The following NCK1 variants were observed in gnomAD, a reference collection of about 807,000 sequenced individuals.
The protein encoded by NCK1 is SH2/SH3 adapter protein NCK1.
Under a neutral mutation model 36.6 loss-of-function variants are expected in NCK1, and 19 were observed. That is an observed-to-expected ratio of 0.52 (90% CI 0.36 to 0.76). NCK1 has a LOEUF of 0.76. Ranked by LOEUF, NCK1 falls within the 30% of genes least tolerant of loss-of-function variation. The pLI, the probability that NCK1 is intolerant of heterozygous loss-of-function variation, is 0.00. For synonymous variants in NCK1, 165 were observed against 156.0 expected (o/e 1.06, Z -0.43); for missense variants, 358 against 445.6 (o/e 0.80, Z 1.77).
Position 136,946,303 on chromosome 3 carries a change from G to C in NCK1, c.939+8G>C. On this transcript the variant is annotated splice_region_variant and intron_variant, in intron 3 of 3. Coordinates refer to ENST00000481752, the MANE Select transcript of NCK1 (RefSeq NM_001291999.2). ...CGTGATAGTGAATCTTCGGTAAGTTGATTTTCGGAGGTAAATACAAATAGA... is the reference window on the plus strand; with the variant it reads ...CGTGATAGTGAATCTTCGGTAAGTTCATTTTCGGAGGTAAATACAAATAGA... 1 of 1,591,542 alleles carries C rather than the reference G, an allele frequency of 6.3e-7. No homozygotes were observed. Among genetic ancestry groups the C allele is most frequent in the Non-Finnish European group, 8.6e-7 (1 of 1,163,854 alleles).
chr3:136,884,517 C>G (rs531051314), intron 1 of NCK1, among the ~76,000 whole-genome samples: 1 of 152,196 alleles, frequency 6.6e-6, no homozygotes, highest in Non-Finnish European at 1.5e-5. Flanking sequence ...GCTTGCTCAC[C>G]GCAACCTCCG....
At chr3:136,889,426 C>T (rs1379405221) in intron 1 of NCK1, 1 of 152,680 alleles carries the variant, frequency 6.5e-6, no homozygotes, top group Non-Finnish European at 1.5e-5. Context: ...AAGCTGTAGA[C>T]CTTCGCGGCG....
At chr3:136,914,990 G>A (rs1017258263) in intron 1 of NCK1, among the ~76,000 whole-genome samples, 2 of 152,192 alleles carry the variant, frequency 1.3e-5, no homozygotes, top group Admixed American at 6.5e-5. Context: ...CATGTGATCT[G>A]TGTACATGCT....
chr3:136,902,647 A>G (rs1325213012), intron 1 of NCK1, among the ~76,000 whole-genome samples: 1 of 152,204 alleles, frequency 6.6e-6, no homozygotes, highest in Non-Finnish European at 1.5e-5. Flanking sequence ...ATGTGTTCAC[A>G]GTGGGGTGCT....
intron 1 of NCK1, among the ~76,000 whole-genome samples, chr3:136,863,116 T>C (rs1476164620): frequency 6.6e-6 from 1 of 152,138 alleles, no homozygotes; most frequent in Non-Finnish European, 1.5e-5. Context: ...ACGCTCTCGG[T>C]GTCAAACTGA....
At chr3:136,863,464 TTTA>T (rs1296034814) in intron 1 of NCK1, among the ~76,000 whole-genome samples, 1 of 152,236 alleles carries the variant, frequency 6.6e-6, no homozygotes, top group Non-Finnish European at 1.5e-5. Context: ...TTCTTTTCTT[TTTA>T]AAACACTTAA....
At chr3:136,879,011 T>C (rs1938855306) in intron 1 of NCK1, among the ~76,000 whole-genome samples, 1 of 152,180 alleles carries the variant, frequency 6.6e-6, no homozygotes, top group African/African-American at 2.4e-5. Context: ...ACAATAGCTT[T>C]TATGGCCCTC....
rs199846693 is a variant in NCK1, at chr3:136,913,128, GTTTA to G, written c.-18-14852_-18-14849del. ...TCTTTCTCTGGGAAGGTTTCTGTTG[GTTTA>G]TTTTTTTTTCTTTCATATAGGCCAT... On this transcript the variant is annotated intron_variant, in intron 1 of 3. Transcript: ENST00000481752. Among the ~76,000 whole-genome samples the G allele has an allele frequency of 1.5e-4, 22 of 151,304 alleles. No homozygotes were observed. The Middle Eastern group carries it at 0.01, about 70-fold the overall frequency.
At chr3:136,871,176 C>T (rs924849487) in intron 1 of NCK1, among the ~76,000 whole-genome samples, 1 of 151,136 alleles carries the variant, frequency 6.6e-6, no homozygotes, top group African/African-American at 2.4e-5. Context: ...TGGGAGGATG[C>T]CTTGAGGGTA....
chr3:136,897,978 T>C (rs553247002), intron 1 of NCK1, among the ~76,000 whole-genome samples: 20 of 152,364 alleles, frequency 1.3e-4, no homozygotes, highest in Non-Finnish European at 2.6e-4. Context: ...AACTACTTTC[T>C]GAAGACTGGC....
chr3:136,903,067 C>T (rs963139349), intron 1 of NCK1, among the ~76,000 whole-genome samples: 2 of 152,142 alleles, frequency 1.3e-5, no homozygotes, highest in South Asian at 2.1e-4. Flanking sequence ...TAACTATTAT[C>T]GTAGTGGAAT....
At chr3:136,909,010 C>T (rs1205229020) in intron 1 of NCK1, among the ~76,000 whole-genome samples, 2 of 152,090 alleles carry the variant, frequency 1.3e-5, no homozygotes, top group Non-Finnish European at 2.9e-5. Flanking sequence ...ATGACTCTTC[C>T]CCCACTCACC....
chr3:136,917,200 C>T (rs916973057), intron 1 of NCK1, among the ~76,000 whole-genome samples: 3 of 146,586 alleles, frequency 2.0e-5, no homozygotes, highest in African/African-American at 7.5e-5. Flanking sequence ...TGGCCCAACA[C>T]AAATTTGTAA....
At chr3:136,902,446 C>T (rs1373309109) in intron 1 of NCK1, among the ~76,000 whole-genome samples, 3 of 152,292 alleles carry the variant, frequency 2.0e-5, no homozygotes, top group African/African-American at 2.4e-5. Context: ...CTGCCCACCT[C>T]GGCCTCCCAG....
chr3:136,914,340 CAG>C (rs574308772), intron 1 of NCK1, among the ~76,000 whole-genome samples: 14 of 152,138 alleles, frequency 9.2e-5, no homozygotes, highest in Non-Finnish European at 1.8e-4. Flanking sequence ...AAAGTAACAG[CAG>C]TTTATTTTCA....
rs139738732 is a variant in NCK1 at position 136,933,354 on chromosome 3, C to T, written c.226+5127C>T. On this transcript the variant is annotated intron_variant, in intron 2 of 3. Coordinates refer to ENST00000481752, the MANE Select transcript of NCK1 (RefSeq NM_001291999.2). Reference sequence around the variant, plus strand: ...ATCCAGTATATCAAGGATTTGCAAACCAGGTCACATAAGGAATAGTTATGG... The same window carrying T: ...ATCCAGTATATCAAGGATTTGCAAATCAGGTCACATAAGGAATAGTTATGG... Among the ~76,000 whole-genome samples the T allele has an allele frequency of 6.3e-3, 962 of 152,278 alleles. 12 individuals carry two copies. The highest frequency in any genetic ancestry group is 0.017 in the Middle Eastern group (5 of 294).
At chr3:136,868,754 G>T (rs1299423122) in intron 1 of NCK1, among the ~76,000 whole-genome samples, 1 of 152,182 alleles carries the variant, frequency 6.6e-6, no homozygotes, top group Non-Finnish European at 1.5e-5. Context: ...CTTGAATGTG[G>T]ATACAGAACA....
chr3:136,901,267 A>G lies in NCK1; in HGVS notation c.-18-26717A>G, dbSNP rs1348562762. ...GATAAATCTCACTTCATTGTGGTGT[A>G]TTTTTTTTTTTTTAATGTTGTTGGA... On this transcript the variant is annotated intron_variant, in intron 1 of 3. Transcript: ENST00000481752. Among the ~76,000 whole-genome samples the G allele has an allele frequency of 2.7e-5, 3 of 112,944 alleles. No homozygotes were observed. The East Asian group carries it at 8.5e-4, about 32-fold the overall frequency. The allele number at this position is 112,944 out of a possible 152,430, so 74.1% of individuals were successfully genotyped here.
intron 2 of NCK1, 191 bp downstream of exon 2, chr3:136,928,418 A>T: frequency 1.7e-6 from 1 of 579,364 alleles, no homozygotes; most frequent in East Asian, 2.9e-5. Context: ...AGTTTCTGTA[A>T]ATCTAGGCCC....
Sources: gnomAD v4.1 joint callset for allele counts (sites outside exome capture counted in the v4.1 genomes callset) on GRCh38, gnomAD v4.1.1 for gene constraint, MANE v1.5 for transcripts, NCBI Gene and HGNC (gene_info 2026-07-23, HGNC 2026-07-21) for gene names.